Variants in BICRA observed in about 807,000 individuals in gnomAD.
The protein encoded by BICRA is BRD4-interacting chromatin-remodeling complex-associated protein.
In BICRA, 31 loss-of-function variants were observed where a neutral mutation model predicts 96.9. That is an observed-to-expected ratio of 0.32 (90% CI 0.24 to 0.43). BICRA has a LOEUF of 0.43. Ranked by LOEUF, BICRA falls within the 20% of genes least tolerant of loss-of-function variation. BICRA has a pLI of 1.00. For missense variants in BICRA, 2,283 were observed against 2,190.3 expected (o/e 1.04, Z -0.84); for synonymous variants, 1,350 against 1,071.8 (o/e 1.26, Z -5.07).
chr19:47,688,012 C>T (rs564183458), intron 7 of BICRA, among the ~76,000 whole-genome samples: 1 of 152,086 alleles, frequency 6.6e-6, no homozygotes, highest in Non-Finnish European at 1.5e-5. Flanking sequence ...TTTACTGACA[C>T]ACGAGATTAG....
intron 7 of BICRA, among the ~76,000 whole-genome samples, chr19:47,685,280 C>G (rs1236230654): frequency 6.6e-6 from 1 of 152,168 alleles, no homozygotes; most frequent in Non-Finnish European, 1.5e-5. Context: ...GCCACTGTGC[C>G]TGGCCACGCG....
chr19:47,690,156 C>T (rs1278695473), intron 7 of BICRA, among the ~76,000 whole-genome samples: 3 of 152,130 alleles, frequency 2.0e-5, no homozygotes, highest in Admixed American at 2.0e-4. Context: ...TGCACGCCAC[C>T]ATGCCCAGCT....
At position 47,679,476 on chromosome 19, in the gene BICRA, C is replaced by T; in HGVS notation, c.306C>T (p.Asp102=). The change falls in exon 6 of 15, where the codon GAC becomes GAT. Residue 102 remains aspartate (D), a synonymous_variant. Transcript: ENST00000594866. ...GGSGGADQPC[D]ILQQSLQEAN... ...GTGGGGGCGCTGACCAGCCCTGTGA[C>T]ATCCTCCAGCAGAGCCTCCAAGAGG... 2.6e-6 allele frequency: 4 copies of T among 1,534,982 alleles called. No homozygotes were observed. The highest frequency in any genetic ancestry group is 3.5e-6 in the Non-Finnish European group (4 of 1,140,556).
chr19:47,648,495 G>A (rs547113393), intron 1 of BICRA, among the ~76,000 whole-genome samples: 23 of 151,828 alleles, frequency 1.5e-4, no homozygotes, highest in Non-Finnish European at 2.4e-4. Flanking sequence ...CTGTCAGATA[G>A]CGATCGGCAC....
intron 1 of BICRA, among the ~76,000 whole-genome samples, chr19:47,614,557 C>T (rs907177636): frequency 3.3e-5 from 5 of 152,208 alleles, no homozygotes; most frequent in African/African-American, 4.8e-5. Flanking sequence ...GCGGAGGTTG[C>T]GGTGAGCCGA....
rs754709833 is a variant in BICRA, at chr19:47,701,845, C to G, written c.4113C>G (p.Pro1371=). The change falls in exon 15 of 15, where the codon CCC becomes CCG. Residue 1371 remains proline (P), a synonymous_variant. Coordinates refer to ENST00000594866, the MANE Select transcript of BICRA (RefSeq NM_001394372.1). This position sits in a 1 kb window ranked among gnomAD's most constrained non-coding sequence, Gnocchi z 5.4. ...TGGACCACCCGCCGCCTGCCGCCCC[C>G]GAGCGCAAGCCCCTGGGCACCGCCC... The part of the protein sequence containing the change: ...GTVDHPPPAA[P]ERKPLGTAPH... 1 of 1,517,226 alleles carries G rather than the reference C, an allele frequency of 6.6e-7. No homozygotes were observed. Among genetic ancestry groups the G allele is most frequent in the Non-Finnish European group, 8.8e-7 (1 of 1,136,452 alleles). 94.0% of individuals were successfully genotyped at this position (1,517,226 alleles called of 1,614,324 possible). A position where few individuals can be genotyped will look rare whatever the true frequency, so the allele number is the denominator to read the frequency against.
chr19:47,693,249 T>C (rs1369701997), intron 7 of BICRA, among the ~76,000 whole-genome samples: 16 of 152,222 alleles, frequency 1.1e-4, no homozygotes, highest in Non-Finnish European at 2.4e-4. Flanking sequence ...AACGGCAAGG[T>C]GCTCCGTCTG....
At chr19:47,638,049 T>C (rs1165679432) in intron 1 of BICRA, among the ~76,000 whole-genome samples, 1 of 152,184 alleles carries the variant, frequency 6.6e-6, no homozygotes, top group Non-Finnish European at 1.5e-5. Context: ...CCGGGGCTGC[T>C]CTTCCACTGT....
At chr19:47,650,293 G>A (rs987358954) in intron 1 of BICRA, among the ~76,000 whole-genome samples, 9 of 152,132 alleles carry the variant, frequency 5.9e-5, no homozygotes, top group East Asian at 1.9e-4. Flanking sequence ...CCACCACCCC[G>A]GCTAATTTTT....
chr19:47,631,580 G>A (rs1248850643), intron 1 of BICRA, among the ~76,000 whole-genome samples: 1 of 152,088 alleles, frequency 6.6e-6, no homozygotes, highest in African/African-American at 2.4e-5. Flanking sequence ...GCCCAGGTTG[G>A]TCTCAAACTC....
chr19:47,697,211 T>G (rs958142856), intron 11 of BICRA, among the ~76,000 whole-genome samples: 13 of 152,066 alleles, frequency 8.5e-5, no homozygotes, highest in Non-Finnish European at 1.8e-4. Flanking sequence ...TTCACCATGT[T>G]GGCCTCAAGT....
chr19:47,699,525 G>T lies in BICRA; in HGVS notation c.3595+120G>T. 1 of 650,030 alleles carries T rather than the reference G, an allele frequency of 1.5e-6. No homozygotes were observed. The highest frequency in any genetic ancestry group is 2.8e-6 in the Non-Finnish European group (1 of 361,768). The allele number at this position is 650,030 out of a possible 1,614,324, so 40.3% of individuals were successfully genotyped here. On this transcript the variant is annotated intron_variant, in intron 14 of 14. Transcript: ENST00000594866. The surrounding 1 kb of genome is among the most constrained non-coding windows in gnomAD (Gnocchi z 5.0). ...CCCTACCTCACTCCACCACTAGGCG[G>T]TGCCCCAGCTCCACCTTCCTGCTGG... is the stretch of plus-strand genomic sequence containing the variant.
Position 47,702,076 on chromosome 19 carries a change from G to T in BICRA, c.4344G>T (p.Pro1448=). 6.6e-7 allele frequency: 1 copy of T among 1,511,522 alleles called. No individual in the cohort carries two copies. Among genetic ancestry groups the T allele is most frequent in the Non-Finnish European group, 8.8e-7 (1 of 1,138,294 alleles). The allele number at this position is 1,511,522 out of a possible 1,614,324, so 93.6% of individuals were successfully genotyped here. Residue 1448 remains proline, a synonymous_variant, in exon 15 of 15, where the codon CCG becomes CCT. Transcript: ENST00000594866. ...ACCAGCGTATGCTGAAGGGCCCCCC[G>T]CCAGAGCCCGCAGCCAGCGCCGCCC... is the stretch of plus-strand genomic sequence containing the variant. ...ELYQRMLKGP[P]PEPAASAAQG... is the part of the protein sequence containing the mutation.
intron 1 of BICRA, among the ~76,000 whole-genome samples, chr19:47,664,926 G>C (rs568975606): frequency 2.0e-4 from 31 of 152,316 alleles, no homozygotes; most frequent in African/African-American, 7.2e-4. Flanking sequence ...GGGGGGCAGC[G>C]GACAGATGGT....
chr19:47,661,471 G>T (rs759868568), intron 1 of BICRA, among the ~76,000 whole-genome samples: 1 of 151,994 alleles, frequency 6.6e-6, no homozygotes, highest in East Asian at 1.9e-4. Context: ...AGAGGGAGCC[G>T]GGCCGGGGAG....
At chr19:47,653,015 CT>C (rs869230602) in intron 1 of BICRA, among the ~76,000 whole-genome samples, 3,329 of 113,686 alleles carry the variant, frequency 0.029, 89 homozygotes, top group African/African-American at 0.1. Flanking sequence ...CGTCCTCATT[CT>C]TTTTTTTTTT....
intron 1 of BICRA, among the ~76,000 whole-genome samples, chr19:47,615,478 G>A (rs534467327): frequency 3.5e-4 from 53 of 152,180 alleles, no homozygotes; most frequent in East Asian, 1.9e-4. Context: ...GGTCAGGAGC[G>A]TGGGCTCTGG....
intron 1 of BICRA, among the ~76,000 whole-genome samples, chr19:47,644,676 T>G (rs1182473987): frequency 6.6e-6 from 1 of 152,022 alleles, no homozygotes; most frequent in Non-Finnish European, 1.5e-5. Context: ...AAGTTTTGTA[T>G]TTTTAGTAGA....
At chr19:47,684,162 T>A (rs906014906) in intron 7 of BICRA, among the ~76,000 whole-genome samples, 1 of 152,168 alleles carries the variant, frequency 6.6e-6, no homozygotes, top group Non-Finnish European at 1.5e-5. Context: ...AAGCACTTGA[T>A]AAATGTTTGC....
Sources: allele counts gnomAD v4.1 joint callset (sites outside exome capture counted in the v4.1 genomes callset), GRCh38; gene constraint gnomAD v4.1.1; non-coding constraint Gnocchi (gnomAD v3.1); transcripts MANE v1.5; gene names NCBI Gene and HGNC (gene_info 2026-07-23, HGNC 2026-07-21).